Variants in PRIM2 observed in about 807,000 individuals in gnomAD.
The protein encoded by PRIM2 is DNA primase large subunit.
PRIM2 carries 39 observed loss-of-function variants against 67.3 expected under a neutral mutation model. The observed-to-expected ratio is 0.58, with a 90% CI of 0.45 to 0.76. The LOEUF is 0.76. Ranked by LOEUF, PRIM2 falls within the 30% of genes least tolerant of loss-of-function variation. PRIM2 has a pLI of 0.00. For missense variants in PRIM2, 398 were observed against 598.7 expected, an observed-to-expected ratio of 0.66 and a Z score of 3.50; for synonymous variants, 143 against 198.7, an observed-to-expected ratio of 0.72 and a Z score of 2.36.
chr6:57,421,430 G>T (rs1215464829), intron 7 of PRIM2, among the ~76,000 whole-genome samples: 1 of 152,106 alleles, frequency 6.6e-6, no homozygotes, highest in Non-Finnish European at 1.5e-5. Flanking sequence ...TTGTTTTAAT[G>T]AAGCAACAGC....
intron 7 of PRIM2, among the ~76,000 whole-genome samples, chr6:57,477,647 G>A (rs1773507889): frequency 6.6e-6 from 1 of 151,978 alleles, no homozygotes; most frequent in Non-Finnish European, 1.5e-5. Flanking sequence ...AACACTACTC[G>A]TAATAGATAT....
At position 57,411,666 on chromosome 6, in the gene PRIM2, A is replaced by G. The variant is rs1374953007; in HGVS notation, c.693+29498A>G. 2.0e-5 allele frequency among the ~76,000 whole-genome samples: 3 copies of G among 152,180 alleles called. No homozygotes were observed. The South Asian group carries it at 6.2e-4, about 32-fold the overall frequency. ...ACATTGATTAAAACAATATTAAGTC[A>G]ATTTTGCATTCCTGGGATAAACCTA... On this transcript the variant is annotated intron_variant, in intron 7 of 13. Transcript: ENST00000615550.
intron 7 of PRIM2, among the ~76,000 whole-genome samples, chr6:57,409,317 A>C (rs1189406058): frequency 6.6e-6 from 1 of 152,012 alleles, no homozygotes; most frequent in Non-Finnish European, 1.5e-5. Context: ...CTGGGACTAC[A>C]GGTGCCCACC....
the PRIM2 span, among the ~76,000 whole-genome samples, chr6:57,304,525 C>A: frequency 6.6e-6 from 1 of 152,174 alleles, no homozygotes; most frequent in Admixed American, 6.5e-5. Flanking sequence ...AAGCACAAAA[C>A]AACATAATTG....
chr6:57,311,496 A>G (rs1206267618), upstream of PRIM2, among the ~76,000 whole-genome samples: 4 of 148,700 alleles, frequency 2.7e-5, no homozygotes, highest in Admixed American at 6.7e-5. Context: ...GGCGCTTCTC[A>G]CGTCCCAGAC....
intron 5 of PRIM2, among the ~76,000 whole-genome samples, chr6:57,373,647 T>C (rs1213462228): frequency 6.6e-6 from 1 of 152,186 alleles, no homozygotes; most frequent in African/African-American, 2.4e-5. Flanking sequence ...CAGGGTCCAG[T>C]TTCGATTTTC....
chr6:57,581,898 A>G (rs1461358245), intron 10 of PRIM2, among the ~76,000 whole-genome samples: 24 of 152,222 alleles, frequency 1.6e-4, no homozygotes, highest in Non-Finnish European at 2.9e-4. Flanking sequence ...GGTTTAAAGA[A>G]GTGAACAAGA....
the PRIM2 span, among the ~76,000 whole-genome samples, chr6:57,283,420 G>A: frequency 1.3e-5 from 2 of 152,100 alleles, no homozygotes; most frequent in East Asian, 3.9e-4. Flanking sequence ...TCCTACTCCA[G>A]TTACAGTTTA....
chr6:57,387,938 G>A (rs7745361), intron 7 of PRIM2, among the ~76,000 whole-genome samples: 10,153 of 151,552 alleles, frequency 0.067, 726 homozygotes, highest in African/African-American at 0.18. Context: ...TGACATGAAG[G>A]AGCCAGCTGA....
the PRIM2 span, among the ~76,000 whole-genome samples, chr6:57,247,472 A>G: frequency 6.6e-6 from 1 of 152,218 alleles, no homozygotes; most frequent in Non-Finnish European, 1.5e-5. Flanking sequence ...TAAATTACAG[A>G]GTTATAGTTG....
the PRIM2 span, among the ~76,000 whole-genome samples, chr6:57,240,091 G>GGTTTTT: frequency 1.1e-5 from 1 of 90,006 alleles, no homozygotes; most frequent in African/African-American, 4.4e-5. Context: ...TCAATAATCT[G>GGTTTTT]TTTTTTTTTT....
upstream of PRIM2, among the ~76,000 whole-genome samples, chr6:57,311,463 C>T (rs1767388199): frequency 6.6e-6 from 1 of 151,316 alleles, no homozygotes; most frequent in South Asian, 2.1e-4. Context: ...CTCACTTCCT[C>T]CCAGACTGGG....
At chr6:57,401,397 G>A (rs1436743226) in intron 7 of PRIM2, among the ~76,000 whole-genome samples, 1 of 152,150 alleles carries the variant, frequency 6.6e-6, no homozygotes, top group Non-Finnish European at 1.5e-5. Context: ...GCTATTTCTG[G>A]TGTTGAAGCT....
intron 10 of PRIM2, among the ~76,000 whole-genome samples, chr6:57,578,468 A>C (rs1406153997): frequency 2.8e-3 from 427 of 152,234 alleles, no homozygotes; most frequent in African/African-American, 9.3e-3. Flanking sequence ...TGTTTCTATA[A>C]GGAAAAACTG....
chr6:57,226,974 G>C, the PRIM2 span, among the ~76,000 whole-genome samples: 1 of 152,018 alleles, frequency 6.6e-6, no homozygotes, highest in Non-Finnish European at 1.5e-5. Flanking sequence ...TTTTTGTTTT[G>C]TCCTTGATTG....
At chr6:57,541,217 A>G (rs1775142058) in intron 10 of PRIM2, among the ~76,000 whole-genome samples, 1 of 152,162 alleles carries the variant, frequency 6.6e-6, no homozygotes, top group African/African-American at 2.4e-5. Context: ...TCAATGTAGT[A>G]CAGTACTGTA....
chr6:57,398,159 C>T (rs1054109379), intron 7 of PRIM2, among the ~76,000 whole-genome samples: 5 of 151,862 alleles, frequency 3.3e-5, no homozygotes, highest in African/African-American at 9.7e-5. Context: ...GGGGTTTCAC[C>T]GTGTTGGCCA....
At position 57,606,442 on chromosome 6, in the gene PRIM2, T is replaced by C. The variant is rs1403161978; in HGVS notation, c.1215T>C (p.Pro405=). ...KQKLQSYKIS[P]GGISQILDLV... is the part of the protein sequence containing the mutation. ...AGTTGCAGTCATACAAGATCTCTCC[T>C]GGAGGGATAAGCCAGGTAGGTCATA... Residue 405 remains proline (P), a synonymous_variant, in exon 12 of 14, where the codon CCT becomes CCC. Transcript: ENST00000615550. The C allele has an allele frequency of 3.1e-5, 49 of 1,591,800 alleles. No homozygotes were observed. Among genetic ancestry groups the C allele is most frequent in the Non-Finnish European group, 4.2e-5 (49 of 1,165,148 alleles).
intron 10 of PRIM2, among the ~76,000 whole-genome samples, chr6:57,585,830 A>G (rs1428335604): frequency 3.3e-5 from 5 of 152,196 alleles, no homozygotes; most frequent in African/African-American, 1.2e-4. Flanking sequence ...TGTTCAAGGA[A>G]ATAAAGCATT....
Sources: allele counts gnomAD v4.1 joint callset (sites outside exome capture counted in the v4.1 genomes callset), GRCh38; gene constraint gnomAD v4.1.1; transcripts MANE v1.5; gene names NCBI Gene and HGNC (gene_info 2026-07-23, HGNC 2026-07-21).